The following FOCAD variants were observed in gnomAD, a reference collection of about 807,000 sequenced individuals.
FOCAD encodes focadhesin, also known as KIAA1797.
Under a neutral mutation model 225.6 loss-of-function variants are expected in FOCAD, and 198 were observed. The observed-to-expected ratio is 0.88, with a 90% CI of 0.78 to 0.99. The LOEUF (loss-of-function observed/expected upper bound fraction) is 0.99, where lower values mean the gene tolerates loss of function less well. Ranked by LOEUF, FOCAD falls within the 50% of genes least tolerant of loss-of-function variation. FOCAD has a pLI of 0.00. For missense variants in FOCAD, 2,713 were observed against 2,123.6 expected, an observed-to-expected ratio of 1.28 and a Z score of -5.46; for synonymous variants, 897 against 755.0, an observed-to-expected ratio of 1.19 and a Z score of -3.08.
In FOCAD at chr9:20,697,896, C is replaced by G. The variant is rs117817914; in HGVS notation, c.-33+13603C>G. ...AATCTCCTGGCAAACAATTTAGAAT[C>G]AAAGGTAATTCTGTTAGCTTACTTG... is the stretch of plus-strand genomic sequence containing the variant. On this transcript the variant is annotated intron_variant, in intron 1 of 43. Transcript: ENST00000338382. Among the ~76,000 whole-genome samples the G allele has an allele frequency of 8.4e-3, 1,277 of 152,286 alleles. 12 individuals are homozygous for G. The highest frequency in any genetic ancestry group is 0.014 in the Non-Finnish European group (962 of 68,010).
chr9:20,836,946 T>C (rs1180761873), intron 15 of FOCAD, among the ~76,000 whole-genome samples: 1 of 152,108 alleles, frequency 6.6e-6, no homozygotes, highest in East Asian at 1.9e-4. Context: ...TCCCAACTTA[T>C]AATGGGAAAA....
intron 21 of FOCAD, among the ~76,000 whole-genome samples, chr9:20,888,197 G>A (rs1211166794): frequency 4.3e-5 from 6 of 139,486 alleles, no homozygotes; most frequent in Non-Finnish European, 7.5e-5. Context: ...GGAGTGCAGT[G>A]GTGCGATCTC....
At chr9:20,706,978 A>G (rs1824441504) in intron 1 of FOCAD, among the ~76,000 whole-genome samples, 1 of 152,224 alleles carries the variant, frequency 6.6e-6, no homozygotes, top group African/African-American at 2.4e-5. Flanking sequence ...AGCAGACCCC[A>G]GCCTGGAAAT....
intron 5 of FOCAD, among the ~76,000 whole-genome samples, chr9:20,752,874 C>T (rs1323749822): frequency 6.6e-6 from 1 of 151,498 alleles, no homozygotes; most frequent in Non-Finnish European, 1.5e-5. Context: ...AGGTCCTTCA[C>T]ATCCCTTGTA....
chr9:20,906,991 A>T (rs1207736627), intron 21 of FOCAD, among the ~76,000 whole-genome samples, 159 bp from the exon 22 acceptor site: 1 of 152,138 alleles, frequency 6.6e-6, no homozygotes, highest in Non-Finnish European at 1.5e-5. Flanking sequence ...CCTTAGGAAT[A>T]TCCAAAAGAT....
chr9:20,754,409 C>G (rs1828852154), intron 5 of FOCAD, among the ~76,000 whole-genome samples: 1 of 152,024 alleles, frequency 6.6e-6, no homozygotes, highest in Non-Finnish European at 1.5e-5. Context: ...CCATTTTAAG[C>G]CTTCTAGTTT....
intron 9 of FOCAD, among the ~76,000 whole-genome samples, chr9:20,780,573 A>G (rs923792412): frequency 2.0e-5 from 3 of 152,164 alleles, no homozygotes; most frequent in African/African-American, 7.2e-5. Context: ...GAGTATTCAA[A>G]GAAATAGGAT....
In FOCAD at chr9:20,887,239, C is replaced by CT. The variant is rs1287038768; in HGVS notation, c.2625+2010dup. 5.8e-4 allele frequency among the ~76,000 whole-genome samples: 87 copies of CT among 149,954 alleles called. 1 individual carries two copies. The highest frequency in any genetic ancestry group is 3.4e-3 in the Middle Eastern group (1 of 294). ...TTTCTTCTTTCTTTCCTTTTTCTTT[C>CT]TCTTTTTTTTTTTGAGATGAAGTCT... On this transcript the variant is annotated intron_variant, in intron 21 of 43. Transcript: ENST00000338382.
chr9:20,672,940 A>T (rs1822117982), intron 2 of FOCAD, among the ~76,000 whole-genome samples: 1 of 152,234 alleles, frequency 6.6e-6, no homozygotes, highest in East Asian at 1.9e-4. Flanking sequence ...TACATAACTT[A>T]TTGAAGTAAA....
chr9:20,804,425 C>T (rs923321313), intron 11 of FOCAD, among the ~76,000 whole-genome samples: 2 of 151,828 alleles, frequency 1.3e-5, no homozygotes, highest in African/African-American at 4.8e-5. Flanking sequence ...AGGGTTCAGA[C>T]AATGGTCTGC....
At chr9:20,672,820 T>A (rs1333384921) in intron 2 of FOCAD, among the ~76,000 whole-genome samples, 1 of 152,244 alleles carries the variant, frequency 6.6e-6, no homozygotes, top group Non-Finnish European at 1.5e-5. Flanking sequence ...AATATTATTG[T>A]TTAGCTGGTT....
In FOCAD at chr9:20,820,385, C is replaced by A; in HGVS notation, c.1622C>A (p.Ala541Asp). 6.2e-7 allele frequency: 1 copy of A among 1,612,848 alleles called. No individual in the cohort carries two copies. The highest frequency in any genetic ancestry group is 1.1e-5 in the South Asian group (1 of 91,032). Residue 541 changes from alanine (A) to aspartate (D), a missense_variant, in exon 13 of 44, where the codon GCT becomes GAT. Ala to Asp is a moderately radical substitution (Grantham distance 126). Coordinates refer to ENST00000338382, the MANE Select transcript of FOCAD (RefSeq NM_001375567.1). ...CTTGGAACCACACCACGACTAAGAG[C>A]TGTCACTTTGCGCTTGCTGACATCT... ...QLLGTTPRLR[A>D]VTLRLLTSLW... is the part of the protein sequence containing the mutation.
At chr9:20,944,212 A>T (rs1836948455) in intron 28 of FOCAD, among the ~76,000 whole-genome samples, 1 of 152,170 alleles carries the variant, frequency 6.6e-6, no homozygotes, top group Non-Finnish European at 1.5e-5. Context: ...CACATCCTGA[A>T]TTTTAGTCTT....
chr9:20,933,604 T>C (rs963987719), intron 28 of FOCAD, among the ~76,000 whole-genome samples: 1 of 152,182 alleles, frequency 6.6e-6, no homozygotes, highest in African/African-American at 2.4e-5. Flanking sequence ...AGTTTCTTTA[T>C]CCACTCATTG....
In FOCAD at chr9:20,866,917, T is replaced by TTTTTTTTTTTTTTTTTTTAAA; in HGVS notation, c.2107-12_2107-11insTTTTTTTTTTTTTTTTTTAAA. 2.6e-6 allele frequency: 2 copies of TTTTTTTTTTTTTTTTTTTAAA among 764,968 alleles called. No homozygotes were observed. The highest frequency in any genetic ancestry group is 4.0e-6 in the Non-Finnish European group (2 of 498,464). 47.4% of individuals were successfully genotyped at this position (764,968 alleles called of 1,614,324 possible). A position where few individuals can be genotyped will look rare whatever the true frequency, so the allele number is the denominator to read the frequency against. ...TTTTTTTTTTTTTTTTTTTTTTTTT[T>TTTTTTTTTTTTTTTTTTTAAA]ACCCTATCTAGGACCCAATTGTAGC... is the stretch of plus-strand genomic sequence containing the variant. On this transcript the variant is annotated splice_polypyrimidine_tract_variant and intron_variant, in intron 17 of 43. Coordinates refer to ENST00000338382, the MANE Select transcript of FOCAD (RefSeq NM_001375567.1).
intron 11 of FOCAD, among the ~76,000 whole-genome samples, chr9:20,801,378 A>T (rs558174130): frequency 1.3e-5 from 2 of 152,240 alleles, no homozygotes; most frequent in African/African-American, 4.8e-5. Flanking sequence ...AAATAAAATT[A>T]TGTGTGTAAT....
intron 37 of FOCAD, among the ~76,000 whole-genome samples, chr9:20,978,963 T>C (rs1353624738): frequency 6.6e-6 from 1 of 152,208 alleles, no homozygotes; most frequent in Non-Finnish European, 1.5e-5. Flanking sequence ...ATGAAAGATC[T>C]CTACTAGGCT....
At chr9:20,708,722 C>T (rs1486803966) in intron 1 of FOCAD, among the ~76,000 whole-genome samples, 3 of 151,836 alleles carry the variant, frequency 2.0e-5, no homozygotes, top group Admixed American at 2.0e-4. Flanking sequence ...GCTGCAGTGA[C>T]CTATGATTGT....
intron 2 of FOCAD, among the ~76,000 whole-genome samples, chr9:20,669,234 G>C (rs1821986062): frequency 6.6e-6 from 1 of 152,088 alleles, no homozygotes; most frequent in Admixed American, 6.6e-5. Context: ...GCACTGGAGA[G>C]AGGCCCTCCT....
Sources: gnomAD v4.1 joint callset for allele counts (sites outside exome capture counted in the v4.1 genomes callset) on GRCh38, gnomAD v4.1.1 for gene constraint, MANE v1.5 for transcripts, NCBI Gene and HGNC (gene_info 2026-07-23, HGNC 2026-07-21) for gene names.